The following AKAP9 variants were observed in gnomAD, a reference collection of about 807,000 sequenced individuals.
AKAP9 encodes A-kinase anchor protein 9.
A neutral mutation model predicts 488.5 loss-of-function variants in AKAP9; 311 were observed. That is an observed-to-expected ratio of 0.64 (90% confidence interval 0.58 to 0.70). AKAP9 has a LOEUF of 0.70. AKAP9 is among the 30% of genes least tolerant of loss of function. The pLI is 0.00. For synonymous variants in AKAP9, 1,462 were observed against 1,483.5 expected, an observed-to-expected ratio of 0.99 and a Z score of 0.33; for missense variants, 4,215 against 4,374.5, an observed-to-expected ratio of 0.96 and a Z score of 1.03.
chr7:92,049,334 A>G (rs1408344169), intron 21 of AKAP9, among the ~76,000 whole-genome samples: 1 of 152,134 alleles, frequency 6.6e-6, no homozygotes, highest in East Asian at 1.9e-4. Flanking sequence ...GTTTAGGGCC[A>G]GGCACAGTGG....
intron 22 of AKAP9, among the ~76,000 whole-genome samples, chr7:92,053,242 A>G (rs1012582927): frequency 1.3e-5 from 2 of 152,180 alleles, no homozygotes; most frequent in Non-Finnish European, 2.9e-5. Flanking sequence ...ATATATGAAA[A>G]CAACTGTTAA....
chr7:92,027,097 A>G (rs1285043886), intron 14 of AKAP9, among the ~76,000 whole-genome samples: 24 of 103,344 alleles, frequency 2.3e-4, no homozygotes, highest in Non-Finnish European at 3.8e-4. Flanking sequence ...CCCGGCTGCC[A>G]CCCCATCTAG....
rs1307608060 is a variant in AKAP9 at position 92,084,704 on chromosome 7, G to A, written c.8710+1G>A. The A allele has an allele frequency of 1.2e-6, 2 of 1,610,062 alleles. No individual in the cohort carries two copies. Among genetic ancestry groups the A allele is most frequent in the Non-Finnish European group, 8.5e-7 (1 of 1,176,948 alleles). ...CAGACTAGAGAAATATGCTCCAGTG[G>A]TAAGTTATATAAATATTTGTAATGT... On this transcript the variant is annotated splice_donor_variant, in intron 34 of 49. Coordinates refer to ENST00000356239, the MANE Select transcript of AKAP9 (RefSeq NM_005751.5). LOFTEE classifies it high-confidence loss of function.
At chr7:92,083,918 G>A (rs1461087488) in intron 33 of AKAP9, among the ~76,000 whole-genome samples, 2 of 152,012 alleles carry the variant, frequency 1.3e-5, no homozygotes, top group Admixed American at 1.3e-4. Flanking sequence ...ATGGTGGTTT[G>A]CTGCACCCAT....
At position 92,001,101 on chromosome 7, in the gene AKAP9, A is replaced by G; in HGVS notation, c.1184A>G (p.Lys395Arg). ...QKERQSSEEI[K>R]QLMGTVEELQ... The stretch of plus-strand genomic sequence containing the variant: ...GAAAGACAGTCTTCTGAAGAAATAA[A>G]ACAGTTAATGGGGACAGTCGAAGAA... The change falls in exon 8 of 50, where the codon AAA becomes AGA. Residue 395 changes from lysine (K) to arginine (R), a missense_variant. This residue lies in a region of AKAP9 where 2,361 missense variants were observed against 2,430.0 expected (regional missense o/e 0.97). Transcript: ENST00000356239. 1 of 1,613,966 alleles carries G rather than the reference A, an allele frequency of 6.2e-7. No homozygotes were observed. Among genetic ancestry groups the G allele is most frequent in the Non-Finnish European group, 8.5e-7 (1 of 1,179,926 alleles).
At chr7:92,034,272 G>T (rs183162134) in intron 16 of AKAP9, among the ~76,000 whole-genome samples, 289 of 152,152 alleles carry the variant, frequency 1.9e-3, no homozygotes, top group African/African-American at 6.5e-3. Flanking sequence ...GAGGCTGCTT[G>T]CCCAGCTGCT....
rs141839409 is a variant in AKAP9, at chr7:92,013,588, G to A, written c.3533-661G>A. On this transcript the variant is annotated intron_variant, in intron 9 of 49. Transcript: ENST00000356239. ...GGTAAGAGTAGTGATTAGAACACCA[G>A]TTAAGCAACTAAAGCTGTCCTTTCC... Among the ~76,000 whole-genome samples the A allele has an allele frequency of 3.5e-3, 534 of 152,278 alleles. 7 individuals are homozygous for A. Among genetic ancestry groups the A allele is most frequent in the African/African-American group, 0.012 (516 of 41,542 alleles).
chr7:91,946,694 C>A (rs563767078), intron 1 of AKAP9, among the ~76,000 whole-genome samples: 24 of 152,060 alleles, frequency 1.6e-4, no homozygotes, highest in Non-Finnish European at 2.8e-4. Context: ...CGGAATGAAG[C>A]AAAACATGGT....
At chr7:92,028,940 G>A (rs759910851) in intron 14 of AKAP9, among the ~76,000 whole-genome samples, 58 of 152,160 alleles carry the variant, frequency 3.8e-4, no homozygotes, top group Middle Eastern at 3.2e-3. Context: ...AGTTATATAA[G>A]TTATGAAATG....
intron 37 of AKAP9, among the ~76,000 whole-genome samples, chr7:92,087,636 G>GCAGTTC (rs1446777661): frequency 2.2e-4 from 34 of 151,868 alleles, no homozygotes; most frequent in African/African-American, 8.2e-4. Context: ...AGGACTTCTT[G>GCAGTTC]TAGAACTGAT....
intron 22 of AKAP9, among the ~76,000 whole-genome samples, chr7:92,059,343 T>A (rs1370334029): frequency 6.6e-6 from 1 of 151,948 alleles, no homozygotes; most frequent in Non-Finnish European, 1.5e-5. Context: ...TGAACATTTA[T>A]TTGAAGGGTG....
intron 1 of AKAP9, among the ~76,000 whole-genome samples, chr7:91,949,787 T>C (rs1584532685): frequency 6.6e-6 from 1 of 152,218 alleles, no homozygotes; most frequent in Non-Finnish European, 1.5e-5. Context: ...GTTCTTTGTT[T>C]AAATTTATAG....
intron 10 of AKAP9, 125 bp downstream of exon 10, chr7:92,014,453 C>T: frequency 1.4e-6 from 1 of 705,702 alleles, no homozygotes; most frequent in Non-Finnish European, 2.6e-6. Context: ...CGTGGTGAAA[C>T]CCCGTCTCTA....
rs1367077606 is a variant in AKAP9 at position 92,001,981 on chromosome 7, G to A, written c.2064G>A (p.Leu688=). The part of the protein sequence containing the change: ...IETMQFEKDN[L]ITKQNQLILE... The stretch of plus-strand genomic sequence containing the variant: ...CCATGCAGTTTGAAAAGGACAATTT[G>A]ATAACTAAGCAGAATCAATTAATTT... Residue 688 remains leucine, a synonymous_variant, in exon 8 of 50, where the codon TTG becomes TTA. Coordinates refer to ENST00000356239, the MANE Select transcript of AKAP9 (RefSeq NM_005751.5). The A allele has an allele frequency of 6.2e-7, 1 of 1,612,796 alleles. No homozygotes were observed. The highest frequency in any genetic ancestry group is 1.3e-5 in the African/African-American group (1 of 75,008).
intron 21 of AKAP9, among the ~76,000 whole-genome samples, chr7:92,045,765 T>C (rs1806865637): frequency 6.6e-6 from 1 of 152,030 alleles, no homozygotes; most frequent in Non-Finnish European, 1.5e-5. Context: ...GGTCCTGATA[T>C]GCCAGAGCTG....
intron 1 of AKAP9, among the ~76,000 whole-genome samples, chr7:91,948,613 T>C (rs896248952): frequency 5.0e-3 from 125 of 24,822 alleles, no homozygotes; most frequent in Admixed American, 0.019. Context: ...TTCTTTTTTT[T>C]TTTTTTTTTT....
At chr7:92,078,544 C>G (rs2130859544) in intron 30 of AKAP9, among the ~76,000 whole-genome samples, 1 of 150,562 alleles carries the variant, frequency 6.6e-6, no homozygotes, top group East Asian at 2.0e-4. Context: ...TGCACTCCAG[C>G]TTGGGTGACA....
chr7:92,015,166 G>T (rs1801332281), intron 10 of AKAP9, among the ~76,000 whole-genome samples: 2 of 152,114 alleles, frequency 1.3e-5, no homozygotes, highest in South Asian at 4.1e-4. Context: ...TCTAGAAGTT[G>T]GTGGTGGTAA....
chr7:91,982,557 TG>T lies in AKAP9; in HGVS notation c.351+2225del, dbSNP rs547179984. 3.3e-5 allele frequency among the ~76,000 whole-genome samples: 5 copies of T among 152,340 alleles called. No homozygotes were observed. The East Asian group carries it at 9.7e-4, about 29-fold the overall frequency. ...TATGGCTGCATAGTATTCCATGATA[TG>T]TATGTGCCACATTTTCTTTATCCAG... On this transcript the variant is annotated intron_variant, in intron 3 of 49. Transcript: ENST00000356239.
Sources: allele counts gnomAD v4.1 joint callset (sites outside exome capture counted in the v4.1 genomes callset), GRCh38; gene constraint gnomAD v4.1.1; regional missense constraint gnomAD v4.1.1; transcripts MANE v1.5; gene names NCBI Gene and HGNC (gene_info 2026-07-23, HGNC 2026-07-21).